Variants in LRRC27 observed in about 807,000 individuals in gnomAD.
LRRC27 encodes leucine-rich repeat-containing protein 27.
In LRRC27, 57 loss-of-function variants were observed where a neutral mutation model predicts 55.0. The observed-to-expected ratio is 1.04, with a 90% CI of 0.84 to 1.29. The LOEUF (loss-of-function observed/expected upper bound fraction) is 1.29, where lower values mean the gene tolerates loss of function less well. LRRC27 is among the 50% of genes most tolerant of loss of function. The pLI is 0.00. For missense variants in LRRC27, 721 were observed against 651.5 expected, an observed-to-expected ratio of 1.11 and a Z score of -1.16; for synonymous variants, 278 against 251.9, an observed-to-expected ratio of 1.10 and a Z score of -0.98.
At chr10:132,331,676 G>A (rs751025552), upstream of LRRC27, 2 of 1,612,762 alleles carry the variant, frequency 1.2e-6, no homozygotes, top group East Asian at 4.5e-5. Context: ...TTTCTGCTCG[G>A]CTGTCCTCGA....
At position 132,344,491 on chromosome 10, in the gene LRRC27, A is replaced by G; in HGVS notation, c.401-7A>G. 1 of 1,603,156 alleles carries G rather than the reference A, an allele frequency of 6.2e-7. No homozygotes were observed. Among genetic ancestry groups the G allele is most frequent in the South Asian group, 1.1e-5 (1 of 90,414 alleles). ...AATGCTGACAGTTTTTTTTTCCTCCACTGCAGGGAGCGTAACCACGCTGAA... is the reference window on the plus strand; with the variant it reads ...AATGCTGACAGTTTTTTTTTCCTCCGCTGCAGGGAGCGTAACCACGCTGAA... On this transcript the variant is annotated splice_region_variant and splice_polypyrimidine_tract_variant and intron_variant, in intron 4 of 10. Coordinates refer to ENST00000368614, the MANE Select transcript of LRRC27 (RefSeq NM_030626.3).
rs1214121056 is a variant in LRRC27 at position 132,375,505 on chromosome 10, T to C, written c.*263T>C. On this transcript the variant is annotated 3_prime_UTR_variant, in exon 11 of 11. Transcript: ENST00000368614. The stretch of plus-strand genomic sequence containing the variant: ...CTTCCTGCAGGTTCCCGCCAAGCCA[T>C]GTGACAGAGTGCTCACACTCAGGCA... The C allele has an allele frequency of 8.0e-6, 3 of 377,226 alleles. No individual in the cohort carries two copies. Among genetic ancestry groups the C allele is most frequent in the African/African-American group, 2.1e-5 (1 of 48,274 alleles). 23.4% of individuals were successfully genotyped at this position (377,226 alleles called of 1,614,324 possible).
chr10:132,367,871 CAA>C (rs1470930128), intron 10 of LRRC27, among the ~76,000 whole-genome samples: 3 of 151,950 alleles, frequency 2.0e-5, no homozygotes, highest in South Asian at 2.1e-4. Flanking sequence ...TTCAAGAAGA[CAA>C]GAGAAGGAAA....
intron 3 of LRRC27, among the ~76,000 whole-genome samples, chr10:132,339,740 T>C (rs2067312135): frequency 6.6e-6 from 1 of 152,244 alleles, no homozygotes; most frequent in Non-Finnish European, 1.5e-5. Context: ...ACAAATTGTT[T>C]TAGCCTTACA....
At chr10:132,339,077 A>G (rs1021991919) in intron 3 of LRRC27, among the ~76,000 whole-genome samples, 3 of 152,160 alleles carry the variant, frequency 2.0e-5, no homozygotes, top group Non-Finnish European at 4.4e-5. Context: ...GCAGCAGCCC[A>G]TGCAGGAGGG....
chr10:132,349,093 G>A (rs1352758876), intron 6 of LRRC27: 1 of 1,383,024 alleles, frequency 7.2e-7, no homozygotes, highest in South Asian at 1.2e-5. Context: ...GTGCCTGCAT[G>A]TGGTGTGTGT....
At chr10:132,336,226 A>G (rs535936440) in intron 2 of LRRC27, among the ~76,000 whole-genome samples, 3 of 152,058 alleles carry the variant, frequency 2.0e-5, no homozygotes, top group African/African-American at 4.8e-5. Context: ...TGGGGGGGGA[A>G]GAACAGGACC....
intron 9 of LRRC27, among the ~76,000 whole-genome samples, chr10:132,364,807 C>CCG: frequency 8.3e-6 from 1 of 119,786 alleles, no homozygotes; most frequent in African/African-American, 3.5e-5. Flanking sequence ...CCCACCCACA[C>CCG]TTACACCCAC....
intron 9 of LRRC27, among the ~76,000 whole-genome samples, chr10:132,364,399 ATCTAC>A (rs1564853139): frequency 5.4e-5 from 8 of 148,858 alleles, no homozygotes; most frequent in African/African-American, 1.3e-4. Flanking sequence ...CCACCCTTAC[ATCTAC>A]CTCCACACCC....
At chr10:132,368,448 G>A (rs1179827269) in intron 10 of LRRC27, among the ~76,000 whole-genome samples, 1 of 152,200 alleles carries the variant, frequency 6.6e-6, no homozygotes, top group Non-Finnish European at 1.5e-5. Context: ...CAATAACAGT[G>A]TGATATTGTC....
Position 132,353,016 on chromosome 10 carries a change from C to T in LRRC27, c.1073+1263C>T. On this transcript the variant is annotated intron_variant, in intron 7 of 10. Coordinates refer to ENST00000368614, the MANE Select transcript of LRRC27 (RefSeq NM_030626.3). ...TGTTGGCCGATGGACTCGGTGTCCT[C>T]AGTGTCTTCTCTGTCCTCCAGCTCC... 5 of 1,602,048 alleles carry T rather than the reference C, an allele frequency of 3.1e-6. No homozygotes were observed. The Admixed American group carries it at 5.2e-5, about 17-fold the overall frequency.
intron 2 of LRRC27, chr10:132,335,150 G>A (rs970823517): frequency 2.0e-5 from 3 of 152,262 alleles, no homozygotes; most frequent in Admixed American, 6.5e-5. Context: ...AGAGAACAGT[G>A]GAAGAAAGAC....
intron 6 of LRRC27, among the ~76,000 whole-genome samples, chr10:132,349,857 A>G (rs894645412): frequency 5.3e-5 from 8 of 152,152 alleles, no homozygotes; most frequent in African/African-American, 1.4e-4. Flanking sequence ...GGTGAGCCAT[A>G]GAGAACCACT....
At chr10:132,343,808 G>T (rs761557656) in intron 4 of LRRC27, among the ~76,000 whole-genome samples, 1 of 152,232 alleles carries the variant, frequency 6.6e-6, no homozygotes, top group Non-Finnish European at 1.5e-5. Context: ...AACGCCACAG[G>T]ACTAGGGCCC....
chr10:132,379,384 G>C lies in LRRC27; in HGVS notation c.*4142G>C, dbSNP rs2069382683. ...AGTGCGTGGTGTCAGATCCCATCCT[G>C]CTCCTCTCCAGCATTTCCTCTCACC... is the stretch of plus-strand genomic sequence containing the variant. On this transcript the variant is annotated 3_prime_UTR_variant, in exon 11 of 11. Coordinates refer to ENST00000368614, the MANE Select transcript of LRRC27 (RefSeq NM_030626.3). 6.6e-6 allele frequency: 1 copy of C among 152,048 alleles called. No individual in the cohort carries two copies. The highest frequency in any genetic ancestry group is 6.6e-5 in the Admixed American group (1 of 15,146). 9.4% of individuals were successfully genotyped at this position (152,048 alleles called of 1,614,324 possible).
At chr10:132,351,201 C>T in intron 6 of LRRC27, 1 of 176,730 alleles carries the variant, frequency 5.7e-6, no homozygotes, top group Non-Finnish European at 1.2e-5. Flanking sequence ...AGGCACGTCA[C>T]ATCGTCCAGC....
chr10:132,356,612 G>A (rs2068323685), intron 8 of LRRC27, among the ~76,000 whole-genome samples: 1 of 150,746 alleles, frequency 6.6e-6, no homozygotes, highest in Admixed American at 6.6e-5. Context: ...GATATCCTGA[G>A]TACCGTCCCC....
chr10:132,352,966 G>A (rs749526623), intron 7 of LRRC27: 11 of 1,613,482 alleles, frequency 6.8e-6, no homozygotes, highest in East Asian at 2.2e-5. Flanking sequence ...TGTGACTGCC[G>A]CCAGTGCCAC....
intron 3 of LRRC27, among the ~76,000 whole-genome samples, chr10:132,341,938 T>C (rs1442590532): frequency 6.6e-6 from 1 of 152,210 alleles, no homozygotes; most frequent in Non-Finnish European, 1.5e-5. Context: ...CCCTGGCATC[T>C]GTTGGAGAAA....
Sources: gnomAD v4.1 joint callset for allele counts (sites outside exome capture counted in the v4.1 genomes callset) on GRCh38, gnomAD v4.1.1 for gene constraint, MANE v1.5 for transcripts, NCBI Gene and HGNC (gene_info 2026-07-23, HGNC 2026-07-21) for gene names.